PCCA: variants seen among roughly 807,000 people sequenced by gnomAD.
PCCA encodes propionyl-CoA carboxylase alpha chain, mitochondrial.
In PCCA, 74 loss-of-function variants were observed where a neutral mutation model predicts 101.3. The observed-to-expected ratio is 0.73, with a 90% CI of 0.61 to 0.89. The LOEUF (loss-of-function observed/expected upper bound fraction) is 0.89, where lower values mean the gene tolerates loss of function less well. Among genes scored for constraint, PCCA ranks in the 40% least tolerant of loss-of-function variants. The probability of loss-of-function intolerance (pLI) is 0.00; values close to 1 mark genes in which losing one functional copy is unlikely to be tolerated. For synonymous variants in PCCA, 294 were observed against 313.6 expected, an observed-to-expected ratio of 0.94 and a Z score of 0.66; for missense variants, 891 against 907.0, an observed-to-expected ratio of 0.98 and a Z score of 0.23.
At chr13:100,382,138 G>A (rs1363912968) in intron 19 of PCCA, among the ~76,000 whole-genome samples, 2 of 152,116 alleles carry the variant, frequency 1.3e-5, no homozygotes, top group Non-Finnish European at 2.9e-5. Context: ...CTGGTGTCCA[G>A]GAAAAATGAG....
intron 12 of PCCA, among the ~76,000 whole-genome samples, chr13:100,277,462 A>G (rs1344803724): frequency 2.0e-5 from 3 of 151,876 alleles, no homozygotes; most frequent in Admixed American, 6.6e-5. Flanking sequence ...TTTTAAGAAG[A>G]CCTCCCCCAT....
At chr13:100,268,830 T>C in intron 11 of PCCA, 47 bp downstream of exon 11, 1 of 817,898 alleles carries the variant, frequency 1.2e-6, no homozygotes, top group Non-Finnish European at 1.9e-6. Flanking sequence ...TTTATGCATT[T>C]CATTCATTCA....
chr13:100,310,297 T>G (rs1235242816), intron 16 of PCCA, among the ~76,000 whole-genome samples: 1 of 152,204 alleles, frequency 6.6e-6, no homozygotes, highest in Admixed American at 6.5e-5. Flanking sequence ...TAGATAGACA[T>G]AAATAAGTTA....
intron 19 of PCCA, among the ~76,000 whole-genome samples, chr13:100,407,341 A>T (rs2077747337): frequency 1.3e-5 from 2 of 152,204 alleles, no homozygotes; most frequent in African/African-American, 4.8e-5. Context: ...CAGGAAAGAC[A>T]ATTTTGAAAC....
At chr13:100,171,856 C>T (rs905051985) in intron 6 of PCCA, among the ~76,000 whole-genome samples, 3 of 152,016 alleles carry the variant, frequency 2.0e-5, no homozygotes, top group Non-Finnish European at 4.4e-5. Flanking sequence ...CACGGTGAAA[C>T]CCTGTCTCTA....
chr13:100,395,101 TA>T (rs1206663321), intron 19 of PCCA, among the ~76,000 whole-genome samples: 1 of 152,224 alleles, frequency 6.6e-6, no homozygotes, highest in Non-Finnish European at 1.5e-5. Context: ...ATAAAAATCC[TA>T]AAAGCAAATT....
At chr13:100,457,143 T>C (rs2081800948) in intron 21 of PCCA, among the ~76,000 whole-genome samples, 1 of 152,206 alleles carries the variant, frequency 6.6e-6, no homozygotes, top group African/African-American at 2.4e-5. Flanking sequence ...CAAAGAGTAA[T>C]ATTAAAAGCT....
intron 21 of PCCA, among the ~76,000 whole-genome samples, chr13:100,489,416 G>C (rs890888677): frequency 2.6e-5 from 4 of 152,232 alleles, no homozygotes; most frequent in Admixed American, 1.3e-4. Context: ...ATGCAAAACA[G>C]GTAAGAAAAG....
chr13:100,203,565 G>A (rs1051795209), intron 6 of PCCA, among the ~76,000 whole-genome samples: 6 of 151,926 alleles, frequency 3.9e-5, no homozygotes, highest in Non-Finnish European at 8.8e-5. Context: ...ATGGTGGGGG[G>A]TGCCTGTAGT....
chr13:100,178,989 A>G (rs2152426586), intron 6 of PCCA, among the ~76,000 whole-genome samples: 1 of 151,502 alleles, frequency 6.6e-6, no homozygotes, highest in African/African-American at 2.4e-5. Context: ...AGGCAGGAGA[A>G]TGGCATGAAC....
chr13:100,366,318 C>CA (rs2075153240), intron 18 of PCCA, among the ~76,000 whole-genome samples: 1 of 151,636 alleles, frequency 6.6e-6, no homozygotes, highest in South Asian at 2.1e-4. Context: ...ACAGTCCTGT[C>CA]ACACCTGTGC....
intron 7 of PCCA, among the ~76,000 whole-genome samples, chr13:100,224,827 CATCTT>C (rs968995402): frequency 1.4e-4 from 21 of 152,262 alleles, no homozygotes; most frequent in African/African-American, 4.8e-4. Flanking sequence ...TCAGTGAAAA[CATCTT>C]ATTGCAAAAG....
chr13:100,511,684 C>T (rs966344187), intron 21 of PCCA, among the ~76,000 whole-genome samples: 1 of 152,172 alleles, frequency 6.6e-6, no homozygotes, highest in African/African-American at 2.4e-5. Context: ...TGAAGAGGAA[C>T]GGAGGTTGAC....
intron 12 of PCCA, among the ~76,000 whole-genome samples, chr13:100,284,601 A>G (rs1414239286): frequency 1.3e-5 from 2 of 152,272 alleles, no homozygotes; most frequent in East Asian, 3.8e-4. Context: ...AGTGGAGACT[A>G]GTGGAAGATC....
chr13:100,321,726 G>A (rs964272189), intron 16 of PCCA, among the ~76,000 whole-genome samples: 4 of 151,766 alleles, frequency 2.6e-5, no homozygotes, highest in Admixed American at 2.6e-4. Context: ...GAATTTTTGT[G>A]TAGCTAAAGG....
chr13:100,208,939 T>C (rs192072328), intron 6 of PCCA, among the ~76,000 whole-genome samples: 25 of 152,310 alleles, frequency 1.6e-4, no homozygotes, highest in African/African-American at 6.0e-4. Context: ...TCAGGAAATA[T>C]GGATATTTGT....
At chr13:100,202,188 A>C (rs2058563607) in intron 6 of PCCA, among the ~76,000 whole-genome samples, 2 of 150,400 alleles carry the variant, frequency 1.3e-5, no homozygotes, top group Non-Finnish European at 3.0e-5. Flanking sequence ...AAAAAAAAAA[A>C]CTGGGCACAG....
intron 19 of PCCA, among the ~76,000 whole-genome samples, chr13:100,423,176 G>T (rs1001871077): frequency 1.3e-5 from 2 of 152,050 alleles, no homozygotes; most frequent in African/African-American, 4.8e-5. Context: ...GAAAGGGTAG[G>T]CTGGTTCTTC....
chr13:100,100,197 C>T (rs1566463959), intron 1 of PCCA, among the ~76,000 whole-genome samples: 1 of 152,168 alleles, frequency 6.6e-6, no homozygotes, highest in African/African-American at 2.4e-5. Context: ...TGACTCACAG[C>T]TGAGAGTTGA....
Sources: allele counts gnomAD v4.1 joint callset (sites outside exome capture counted in the v4.1 genomes callset), GRCh38; gene constraint gnomAD v4.1.1; transcripts MANE v1.5; gene names NCBI Gene and HGNC (gene_info 2026-07-23, HGNC 2026-07-21).